The following OXCT1 variants were observed in gnomAD, a reference collection of about 807,000 sequenced individuals.
The protein encoded by OXCT1 is 3-oxoacid CoA-transferase 1, also known as succinyl-CoA:3-ketoacid coenzyme A transferase 1, mitochondrial.
OXCT1 carries 27 observed loss-of-function variants against 69.6 expected under a neutral mutation model. That is an observed-to-expected ratio of 0.39 (90% CI 0.29 to 0.54). OXCT1 has a LOEUF of 0.54. Among genes scored for constraint, OXCT1 ranks in the 20% least tolerant of loss-of-function variants. The pLI is 0.72. For synonymous variants in OXCT1, 202 were observed against 217.8 expected, an observed-to-expected ratio of 0.93 and a Z score of 0.64; for missense variants, 437 against 650.2, an observed-to-expected ratio of 0.67 and a Z score of 3.57.
At chr5:41,806,431 T>C (rs1002278034) in intron 8 of OXCT1, among the ~76,000 whole-genome samples, 1 of 152,064 alleles carries the variant, frequency 6.6e-6, no homozygotes, top group South Asian at 2.1e-4. Flanking sequence ...ATGATTTAGA[T>C]ATGTGTCCCC....
In OXCT1 at chr5:41,859,909, C is replaced by T. The variant is rs867872394; in HGVS notation, c.278+1405G>A. On this transcript the variant is annotated intron_variant, in intron 3 of 16. Transcript: ENST00000196371. ...TATGTAATATATATATATATATATA[C>T]ACACACACACACACAAGTAATTATA... 1.7e-3 allele frequency among the ~76,000 whole-genome samples: 167 copies of T among 95,668 alleles called. 2 individuals are homozygous for T. The highest frequency in any genetic ancestry group is 1.5e-3 in the Non-Finnish European group (65 of 44,348). The allele number at this position is 95,668 out of a possible 152,430, so 62.8% of individuals were successfully genotyped here.
chr5:41,737,294 T>C (rs1195698212), intron 16 of OXCT1, among the ~76,000 whole-genome samples: 1 of 152,098 alleles, frequency 6.6e-6, no homozygotes, highest in Non-Finnish European at 1.5e-5. Context: ...ATTGAGAGGG[T>C]CTACAGAGAT....
At chr5:41,800,183 G>A (rs1322538957) in intron 11 of OXCT1, among the ~76,000 whole-genome samples, 2 of 152,044 alleles carry the variant, frequency 1.3e-5, no homozygotes, top group African/African-American at 4.8e-5. Flanking sequence ...GAAAAGGCTA[G>A]TAATAAAAGG....
rs1257690333 is a variant in OXCT1 at position 41,840,545 on chromosome 5, GAAAAGACGA to G, written c.672-43_672-35del. On this transcript the variant is annotated intron_variant, in intron 6 of 16. Transcript: ENST00000196371. ...GTGGAGGAGATAAGAAAGTGGGGGG[GAAAAGACGA>G]AAAATAAGCATCTCTGTCACCTTTA... is the stretch of plus-strand genomic sequence containing the variant. 9.4e-6 allele frequency: 13 copies of G among 1,388,470 alleles called. No individual in the cohort carries two copies. The African/African-American group carries it at 1.9e-4, about 20-fold the overall frequency. The allele number at this position is 1,388,470 out of a possible 1,614,324, so 86.0% of individuals were successfully genotyped here. A position where few individuals can be genotyped will look rare whatever the true frequency, so the allele number is the denominator to read the frequency against.
intron 14 of OXCT1, among the ~76,000 whole-genome samples, chr5:41,755,176 T>C (rs182327126): frequency 6.6e-6 from 1 of 152,190 alleles, no homozygotes; most frequent in East Asian, 1.9e-4. Context: ...CTTGTGCACA[T>C]AAATGCAAAG....
At chr5:41,832,659 C>A (rs1037153671) in intron 7 of OXCT1, among the ~76,000 whole-genome samples, 9 of 152,006 alleles carry the variant, frequency 5.9e-5, no homozygotes, top group Admixed American at 4.6e-4. Flanking sequence ...ATGACCTCAC[C>A]AAACAAAATA....
chr5:41,780,886 C>T (rs1375207949), intron 13 of OXCT1, among the ~76,000 whole-genome samples: 1 of 151,978 alleles, frequency 6.6e-6, no homozygotes, highest in African/African-American at 2.4e-5. Context: ...CTGCACTGAC[C>T]TTATAGTACT....
At chr5:41,859,899 T>C (rs1274457406) in intron 3 of OXCT1, among the ~76,000 whole-genome samples, 1 of 136,724 alleles carries the variant, frequency 7.3e-6, no homozygotes, top group African/African-American at 2.6e-5. Flanking sequence ...AATATATATA[T>C]ATATATATAC....
intron 14 of OXCT1, among the ~76,000 whole-genome samples, chr5:41,756,828 A>G (rs4245982): frequency 0.041 from 6,242 of 152,176 alleles, 284 homozygotes; most frequent in African/African-American, 0.093. Context: ...GTGGATAGCT[A>G]GGAAAAAGTA....
chr5:41,736,202 A>C (rs1742877341), intron 16 of OXCT1, among the ~76,000 whole-genome samples: 1 of 152,226 alleles, frequency 6.6e-6, no homozygotes, highest in South Asian at 2.1e-4. Context: ...CTCTAGCTGT[A>C]AACAGCTCCT....
At chr5:41,814,684 A>G (rs1270805685) in intron 7 of OXCT1, among the ~76,000 whole-genome samples, 2 of 131,740 alleles carry the variant, frequency 1.5e-5, no homozygotes, top group South Asian at 2.5e-4. Flanking sequence ...ATGAGAACAC[A>G]TGGACACAGG....
At chr5:41,837,775 T>C (rs1748441051) in intron 7 of OXCT1, among the ~76,000 whole-genome samples, 1 of 151,980 alleles carries the variant, frequency 6.6e-6, no homozygotes, top group Non-Finnish European at 1.5e-5. Flanking sequence ...TGGAAAAGAG[T>C]AGACAGCCTG....
At chr5:41,862,504 A>G (rs1263595882) in intron 2 of OXCT1, 138 bp downstream of exon 2, 3 of 602,834 alleles carry the variant, frequency 5.0e-6, no homozygotes, top group Non-Finnish European at 9.0e-6. Context: ...AATAAAATAG[A>G]TGATATTATA....
At chr5:41,761,019 C>A (rs992559290) in intron 14 of OXCT1, among the ~76,000 whole-genome samples, 2 of 152,058 alleles carry the variant, frequency 1.3e-5, no homozygotes, top group African/African-American at 4.8e-5. Flanking sequence ...CATTTCCACT[C>A]AGATTAGCAG....
intron 11 of OXCT1, among the ~76,000 whole-genome samples, chr5:41,797,680 A>G (rs762927288): frequency 9.2e-5 from 14 of 152,218 alleles, no homozygotes; most frequent in Non-Finnish European, 1.8e-4. Flanking sequence ...AATGCCTACT[A>G]TATGCCTTAA....
chr5:41,846,542 T>C (rs35548566), intron 5 of OXCT1, among the ~76,000 whole-genome samples: 27,493 of 150,130 alleles, frequency 0.18, 2,603 homozygotes, highest in Middle Eastern at 0.27. Flanking sequence ...TGTTGGACAT[T>C]TGGGTTGGTT....
intron 16 of OXCT1, 21 bp from the exon 17 acceptor site, chr5:41,731,791 A>C: frequency 6.2e-7 from 1 of 1,602,740 alleles, no homozygotes; most frequent in East Asian, 2.2e-5. Flanking sequence ...AGGAAAAAAA[A>C]ATCAAATTAT....
rs1156395870 is a variant in OXCT1, at chr5:41,842,581, AT to A, written c.671+93del. ...ACATGGGCATGTATGATTTTGGGCC[AT>A]TACGAAAATACATTTTTAAATTCCA... On this transcript the variant is annotated intron_variant, in intron 6 of 16. Coordinates refer to ENST00000196371, the MANE Select transcript of OXCT1 (RefSeq NM_000436.4). The A allele has an allele frequency of 3.3e-6, 3 of 900,786 alleles. No homozygotes were observed. In the Admixed American group the frequency reaches 5.1e-5, roughly 15 times the overall value. 55.8% of individuals were successfully genotyped at this position (900,786 alleles called of 1,614,324 possible).
In OXCT1 at chr5:41,842,697, G is replaced by T; in HGVS notation, c.649C>A (p.Arg217=). The part of the protein sequence containing the change: ...FALVKAWKAD[R]AGNVIFRKSA... ...TACCTGAAAATCACGTTTCCTGCTC[G>T]GTCCGCCTTCCAGGCTTTCACCAAA... Residue 217 remains arginine, a synonymous_variant, in exon 6 of 17, where the codon CGA becomes AGA. Coordinates refer to ENST00000196371, the MANE Select transcript of OXCT1 (RefSeq NM_000436.4). The T allele has an allele frequency of 6.2e-7, 1 of 1,612,806 alleles. No homozygotes were observed. Among genetic ancestry groups the T allele is most frequent in the East Asian group, 2.2e-5 (1 of 44,848 alleles).
Sources: allele counts gnomAD v4.1 joint callset (sites outside exome capture counted in the v4.1 genomes callset), GRCh38; gene constraint gnomAD v4.1.1; transcripts MANE v1.5; gene names NCBI Gene and HGNC (gene_info 2026-07-23, HGNC 2026-07-21).